Variants in TEN1 observed in about 807,000 individuals in gnomAD.
TEN1 encodes the protein CST complex subunit TEN1.
TEN1 carries 6 observed loss-of-function variants against 9.3 expected under a neutral mutation model. The ratio of observed to expected loss-of-function variants is 0.65; its 90% CI spans 0.35 to 1.27. The LOEUF is 1.27. Among genes scored for constraint, TEN1 ranks in the 50% most tolerant of loss-of-function variants. The pLI, the probability that TEN1 is intolerant of heterozygous loss-of-function variation, is 0.03. For synonymous variants in TEN1, 65 were observed against 65.6 expected, an observed-to-expected ratio of 0.99 and a Z score of 0.04; for missense variants, 149 against 158.2, an observed-to-expected ratio of 0.94 and a Z score of 0.31.
At chr17:75,986,662 T>C (rs1482423901) in intron 2 of TEN1, among the ~76,000 whole-genome samples, 1 of 151,672 alleles carries the variant, frequency 6.6e-6, no homozygotes, top group Non-Finnish European at 1.5e-5. Context: ...AATCGCGCCA[T>C]TGCACTCCAG....
Position 75,988,586 on chromosome 17 carries a change from A to G in TEN1, c.92+2302A>G, listed in dbSNP as rs1168826434. Among the ~76,000 whole-genome samples, 223 of 150,750 alleles carry G rather than the reference A, an allele frequency of 1.5e-3. 1 individual carries two copies. The highest frequency in any genetic ancestry group is 5.2e-3 in the African/African-American group (214 of 41,224). Reference sequence around the variant, plus strand: ...CAAAAAAAAAAAAAAAAAAAAAAAAAAGAAAAGAAGAAGAAAGCAATATTT... The same window carrying G: ...CAAAAAAAAAAAAAAAAAAAAAAAAGAGAAAAGAAGAAGAAAGCAATATTT... On this transcript the variant is annotated intron_variant, in intron 2 of 3. Transcript: ENST00000397640.
intron 3 of TEN1, among the ~76,000 whole-genome samples, chr17:75,997,306 G>A (rs971739582): frequency 6.6e-6 from 1 of 152,040 alleles, no homozygotes; most frequent in African/African-American, 2.4e-5. Context: ...GGGCTCACTG[G>A]CATTCCCCTG....
At chr17:75,986,679 C>T (rs955599907) in intron 2 of TEN1, among the ~76,000 whole-genome samples, 11 of 151,162 alleles carry the variant, frequency 7.3e-5, no homozygotes, top group African/African-American at 7.3e-5. Flanking sequence ...CCAGCCTGGG[C>T]GACAAGAGCA....
intron 3 of TEN1, among the ~76,000 whole-genome samples, chr17:75,995,877 G>A (rs2066215514): frequency 6.6e-6 from 1 of 152,134 alleles, no homozygotes; most frequent in Non-Finnish European, 1.5e-5. Flanking sequence ...AGGATCACTT[G>A]AACCCAGGAG....
chr17:76,000,459 A>C lies in TEN1; in HGVS notation c.*197A>C. 2 of 832,396 alleles carry C rather than the reference A, an allele frequency of 2.4e-6. No individual in the cohort carries two copies. The highest frequency in any genetic ancestry group is 2.9e-5 in the East Asian group (1 of 34,492). 51.6% of individuals were successfully genotyped at this position (832,396 alleles called of 1,614,324 possible). On this transcript the variant is annotated 3_prime_UTR_variant, in exon 4 of 4. Transcript: ENST00000397640. The surrounding 1 kb of genome is among the most constrained non-coding windows in gnomAD (Gnocchi z 5.9). ...ATGAGAACCCAGAAAGCATGCCATA[A>C]ATCCGACAGCCCCACCCCAGGAGAC...
rs556071801 is a variant in TEN1 at position 75,993,157 on chromosome 17, G to A, written c.250+1534G>A. On this transcript the variant is annotated intron_variant, in intron 3 of 3. Coordinates refer to ENST00000397640, the MANE Select transcript of TEN1 (RefSeq NM_001113324.3). ...AGTGTCGCTCTCGCCAGGCTGGAGT[G>A]TAGTGGCATGATCTCAGCTCACTGC... Among the ~76,000 whole-genome samples the A allele has an allele frequency of 1.8e-4, 27 of 148,506 alleles. No homozygotes were observed. In the South Asian group the frequency reaches 4.9e-3, roughly 27 times the overall value.
chr17:75,998,857 A>G (rs2066234083), intron 3 of TEN1, among the ~76,000 whole-genome samples: 1 of 152,024 alleles, frequency 6.6e-6, no homozygotes, highest in Admixed American at 6.5e-5. Context: ...CACCTGGCTA[A>G]TTTTTGTATT....
At chr17:75,997,422 C>G (rs985682125) in intron 3 of TEN1, among the ~76,000 whole-genome samples, 1 of 152,120 alleles carries the variant, frequency 6.6e-6, no homozygotes, top group Non-Finnish European at 1.5e-5. Flanking sequence ...TTCCTCTCCT[C>G]CCCTGTCCCT....
intron 1 of TEN1, among the ~76,000 whole-genome samples, chr17:75,985,555 G>A (rs947113884): frequency 1.2e-4 from 18 of 152,172 alleles, no homozygotes; most frequent in African/African-American, 4.3e-4. Flanking sequence ...ACGGAGTCTC[G>A]CTCTTATTGC....
At chr17:75,988,217 G>C (rs1286323387) in intron 2 of TEN1, among the ~76,000 whole-genome samples, 1 of 150,558 alleles carries the variant, frequency 6.6e-6, no homozygotes, top group African/African-American at 2.4e-5. Flanking sequence ...TCCAGCCTGG[G>C]TGACAAGAGT....
chr17:75,995,059 A>G (rs927950533), intron 3 of TEN1, among the ~76,000 whole-genome samples: 5 of 152,250 alleles, frequency 3.3e-5, no homozygotes, highest in Non-Finnish European at 5.9e-5. Flanking sequence ...CCATCTTTAC[A>G]AAAATTAAAA....
chr17:75,992,695 G>A (rs2066193578), intron 3 of TEN1, among the ~76,000 whole-genome samples: 1 of 151,502 alleles, frequency 6.6e-6, no homozygotes, highest in Admixed American at 6.6e-5. Flanking sequence ...TGTATTTTTA[G>A]TAGAGACGGG....
intron 3 of TEN1, among the ~76,000 whole-genome samples, chr17:75,997,911 G>T (rs928992475): frequency 4.8e-4 from 72 of 151,550 alleles, no homozygotes; most frequent in African/African-American, 1.6e-3. Flanking sequence ...TGGGAGTGCA[G>T]TGGCACGATC....
At position 75,979,362 on chromosome 17, in the gene TEN1, C is replaced by T; in HGVS notation, c.-156C>T. ...CAGGGGAGGCTCCCGAGCGGATCCTCGGGAAAGGGGCTCCGAAGGTCAAGA... is the reference window on the plus strand; with the variant it reads ...CAGGGGAGGCTCCCGAGCGGATCCTTGGGAAAGGGGCTCCGAAGGTCAAGA... On this transcript the variant is annotated 5_prime_UTR_variant, in exon 1 of 4. Coordinates refer to ENST00000397640, the MANE Select transcript of TEN1 (RefSeq NM_001113324.3). 9.2e-6 allele frequency: 5 copies of T among 546,072 alleles called. No individual in the cohort carries two copies. The East Asian group carries it at 1.3e-4, about 14-fold the overall frequency. 33.8% of individuals were successfully genotyped at this position (546,072 alleles called of 1,614,324 possible).
chr17:75,982,511 G>A (rs746273327), intron 1 of TEN1, among the ~76,000 whole-genome samples: 14 of 152,136 alleles, frequency 9.2e-5, no homozygotes, highest in African/African-American at 2.4e-4. Flanking sequence ...TTCAGATGAT[G>A]CATTTTTGGC....
intron 2 of TEN1, among the ~76,000 whole-genome samples, chr17:75,987,885 C>T (rs2066161303): frequency 7.3e-6 from 1 of 136,342 alleles, no homozygotes; most frequent in African/African-American, 2.9e-5. Flanking sequence ...CCACTGCACT[C>T]CAGCCTGGGG....
chr17:75,981,439 A>G (rs2066118960), intron 1 of TEN1, among the ~76,000 whole-genome samples: 1 of 152,056 alleles, frequency 6.6e-6, no homozygotes, highest in African/African-American at 2.4e-5. Flanking sequence ...CGCTCGCCTC[A>G]GCCTTCCAAA....
intron 3 of TEN1, among the ~76,000 whole-genome samples, chr17:75,999,534 G>T (rs562623817): frequency 1.1e-4 from 17 of 151,984 alleles, no homozygotes; most frequent in Non-Finnish European, 1.6e-4. Flanking sequence ...GTAGAGATGG[G>T]GTTTCATCAT....
chr17:75,983,195 C>T (rs1267608291), intron 1 of TEN1, among the ~76,000 whole-genome samples: 3 of 151,832 alleles, frequency 2.0e-5, no homozygotes, highest in East Asian at 3.9e-4. Context: ...GCAGGAAAAT[C>T]GCTTGAACCC....
Sources: gnomAD v4.1 joint callset for allele counts (sites outside exome capture counted in the v4.1 genomes callset) on GRCh38, gnomAD v4.1.1 for gene constraint, Gnocchi (gnomAD v3.1) non-coding constraint, MANE v1.5 for transcripts, NCBI Gene and HGNC (gene_info 2026-07-23, HGNC 2026-07-21) for gene names.